CLK3: variants seen among roughly 807,000 people sequenced by gnomAD.
CLK3 encodes CDC like kinase 3.
In CLK3, 24 loss-of-function variants were observed where a neutral mutation model predicts 65.2. That is an observed-to-expected ratio of 0.37 (90% CI 0.27 to 0.52). The LOEUF (loss-of-function observed/expected upper bound fraction) is 0.52, where lower values mean the gene tolerates loss of function less well. Ranked by LOEUF, CLK3 falls within the 20% of genes least tolerant of loss-of-function variation. The pLI is 0.92. For synonymous variants in CLK3, 252 were observed against 240.8 expected (o/e 1.05, Z -0.43); for missense variants, 506 against 660.0 (o/e 0.77, Z 2.56).
chr15:74,622,471 G>C lies in CLK3; in HGVS notation c.467-23G>C, dbSNP rs2062111477. The C allele has an allele frequency of 6.3e-7, 1 of 1,587,508 alleles. No homozygotes were observed. The highest frequency in any genetic ancestry group is 1.4e-5 in the African/African-American group (1 of 73,708). ...AACCCCCTGCCCTCCAGATTCTCAT[G>C]CCCAATTTCTTTTCTCTCCTAGATG... On this transcript the variant is annotated intron_variant, in intron 4 of 12. Coordinates refer to ENST00000395066, the MANE Select transcript of CLK3 (RefSeq NM_001130028.2). The surrounding 1 kb of genome is among the most constrained non-coding windows in gnomAD (Gnocchi z 4.6).
At position 74,622,547 on chromosome 15, in the gene CLK3, T is replaced by C; in HGVS notation, c.520T>C (p.Leu174=). The change falls in exon 5 of 13, where the codon TTG becomes CTG. Residue 174 remains leucine (L), a synonymous_variant. Transcript: ENST00000395066. This position sits in a 1 kb window ranked among gnomAD's most constrained non-coding sequence, Gnocchi z 4.6. ...EGTFGKVVEC[L]DHARGKSQVA... is the part of the protein sequence containing the mutation. ...CACCTTTGGCAAGGTGGTGGAGTGC[T>C]TGGACCATGCCAGGTGAGCGAGCTG... is the stretch of plus-strand genomic sequence containing the variant. 6.2e-7 allele frequency: 1 copy of C among 1,612,782 alleles called. No homozygotes were observed. Among genetic ancestry groups the C allele is most frequent in the Non-Finnish European group, 8.5e-7 (1 of 1,179,312 alleles).
upstream of CLK3, among the ~76,000 whole-genome samples, chr15:74,614,482 A>AT (rs1166834842): frequency 6.6e-6 from 1 of 152,162 alleles, no homozygotes; most frequent in African/African-American, 2.4e-5. Flanking sequence ...AGTCCGGCTA[A>AT]TTTTTGTAAT....
intron 12 of CLK3, 134 bp from the exon 13 acceptor site, chr15:74,629,573 C>T (rs577649360): frequency 9.3e-6 from 6 of 642,932 alleles, no homozygotes; most frequent in East Asian, 2.7e-5. Context: ...TCCAGGAGGG[C>T]GGAAGTAGAG....
At chr15:74,615,764 C>T (rs1232891569), upstream of CLK3, 14 of 1,240,350 alleles carry the variant, frequency 1.1e-5, no homozygotes, top group Non-Finnish European at 1.2e-5. Flanking sequence ...GCCTCCGAGC[C>T]GGGTCGAGCC....
Position 74,621,773 on chromosome 15 carries a change from G to A in CLK3, c.370-347G>A, listed in dbSNP as rs1596288250. On this transcript the variant is annotated intron_variant, in intron 3 of 12. Transcript: ENST00000395066. This position sits in a 1 kb window ranked among gnomAD's most constrained non-coding sequence, Gnocchi z 4.8. ...AGGAGGAGGAGGAGGGAGTCGGGGC[G>A]ATGGCTCTCCTCACAGCGTGGCCCT... is the stretch of plus-strand genomic sequence containing the variant. The A allele has an allele frequency of 8.3e-6, 3 of 362,550 alleles. No homozygotes were observed. Among genetic ancestry groups the A allele is most frequent in the African/African-American group, 2.1e-5 (1 of 46,986 alleles). 22.5% of individuals were successfully genotyped at this position (362,550 alleles called of 1,614,324 possible).
Position 74,619,035 on chromosome 15 carries a change from G to T in CLK3, c.1-162G>T, listed in dbSNP as rs1393990654. The T allele has an allele frequency of 8.0e-6, 6 of 752,214 alleles. No homozygotes were observed. In the East Asian group the frequency reaches 1.3e-4, roughly 16 times the overall value. 46.6% of individuals were successfully genotyped at this position (752,214 alleles called of 1,614,324 possible). ...TTTCCTATTGTCTGCTGTTTGACCA[G>T]TGTGACCTCAGAGTTCTTCTTCACT... On this transcript the variant is annotated intron_variant, in intron 1 of 12. Coordinates refer to ENST00000395066, the MANE Select transcript of CLK3 (RefSeq NM_001130028.2).
At position 74,627,307 on chromosome 15, in the gene CLK3, C is replaced by G. The variant is rs2062151059; in HGVS notation, c.818-45C>G. 1 of 1,503,326 alleles carries G rather than the reference C, an allele frequency of 6.7e-7. No individual in the cohort carries two copies. Among genetic ancestry groups the G allele is most frequent in the African/African-American group, 1.4e-5 (1 of 72,538 alleles). 93.1% of individuals were successfully genotyped at this position (1,503,326 alleles called of 1,614,324 possible). On this transcript the variant is annotated intron_variant, in intron 7 of 12. Transcript: ENST00000395066. The surrounding 1 kb of genome is among the most constrained non-coding windows in gnomAD (Gnocchi z 4.3). ...GTCTGGCCTAGAGCTGGCAGGAGAG[C>G]CAGCTTCTCAGTGCCTACTTCCCCT... is the stretch of plus-strand genomic sequence containing the variant.
In CLK3 at chr15:74,627,949, T is replaced by C. The variant is rs1254168247; in HGVS notation, c.1043-21T>C. On this transcript the variant is annotated intron_variant, in intron 9 of 12. Coordinates refer to ENST00000395066, the MANE Select transcript of CLK3 (RefSeq NM_001130028.2). This position sits in a 1 kb window ranked among gnomAD's most constrained non-coding sequence, Gnocchi z 4.3. ...AAGCATAAGGCCGGATCTCACAGCC[T>C]CTCCCCATCTTGGCTTGCAGAGCTG... 6.3e-7 allele frequency: 1 copy of C among 1,582,648 alleles called. No individual in the cohort carries two copies. The highest frequency in any genetic ancestry group is 8.7e-7 in the Non-Finnish European group (1 of 1,151,284).
rs1475415465 is a variant in CLK3, at chr15:74,622,561, G to A, written c.533+1G>A. On this transcript the variant is annotated splice_donor_variant, in intron 5 of 12. Transcript: ENST00000395066. LOFTEE classifies it high-confidence loss of function. The surrounding 1 kb of genome is among the most constrained non-coding windows in gnomAD (Gnocchi z 4.6). The stretch of plus-strand genomic sequence containing the variant: ...TGGTGGAGTGCTTGGACCATGCCAG[G>A]TGAGCGAGCTGCGGCAGTACAGCTG... 6.2e-7 allele frequency: 1 copy of A among 1,610,248 alleles called. No individual in the cohort carries two copies. The highest frequency in any genetic ancestry group is 1.7e-5 in the Admixed American group (1 of 59,328).
chr15:74,615,573 C>G (rs1382198868), upstream of CLK3: 1 of 1,265,792 alleles, frequency 7.9e-7, no homozygotes. Flanking sequence ...AGAGCCCAGC[C>G]GGCCCGGGCC....
rs2062163466 is a variant in CLK3 at position 74,628,630 on chromosome 15, G to A, written c.1152G>A (p.Val384=). Residue 384 remains valine, a synonymous_variant, in exon 11 of 13, where the codon GTG becomes GTA. Transcript: ENST00000395066. The part of the protein sequence containing the change: ...FQTHENREHL[V]MMEKILGPIP... ...CCCACGAAAACCGAGAGCACCTGGTGATGATGGAGAAGATCCTAGGGCCCA... is the reference window on the plus strand; with the variant it reads ...CCCACGAAAACCGAGAGCACCTGGTAATGATGGAGAAGATCCTAGGGCCCA... The A allele has an allele frequency of 6.2e-7, 1 of 1,613,748 alleles. No individual in the cohort carries two copies.
At position 74,621,656 on chromosome 15, in the gene CLK3, C is replaced by T. The variant is rs1025749680; in HGVS notation, c.370-464C>T. 1.6e-5 allele frequency: 5 copies of T among 311,684 alleles called. No individual in the cohort carries two copies. Among genetic ancestry groups the T allele is most frequent in the Admixed American group, 8.4e-5 (2 of 23,744 alleles). 19.3% of individuals were successfully genotyped at this position (311,684 alleles called of 1,614,324 possible). A position where few individuals can be genotyped will look rare whatever the true frequency, so the allele number is the denominator to read the frequency against. Reference sequence around the variant, plus strand: ...ACCAGTCTGGATGGTTGGACCCAGGCGGGGCCAGCTGCCTTCTTGCGCCGC... The same window carrying T: ...ACCAGTCTGGATGGTTGGACCCAGGTGGGGCCAGCTGCCTTCTTGCGCCGC... On this transcript the variant is annotated intron_variant, in intron 3 of 12. Transcript: ENST00000395066. The surrounding 1 kb of genome is among the most constrained non-coding windows in gnomAD (Gnocchi z 4.8).
In CLK3 at chr15:74,622,383, C is replaced by T. The variant is rs1274543234; in HGVS notation, c.467-111C>T. ...GCAACTTCCATTTTTAAGAGTGTAG[C>T]AGTGAGAGAGAAACCTTTTTTGTTT... On this transcript the variant is annotated intron_variant, in intron 4 of 12. Coordinates refer to ENST00000395066, the MANE Select transcript of CLK3 (RefSeq NM_001130028.2). The surrounding 1 kb of genome is among the most constrained non-coding windows in gnomAD (Gnocchi z 4.6). 1 of 1,049,816 alleles carries T rather than the reference C, an allele frequency of 9.5e-7. No homozygotes were observed. The highest frequency in any genetic ancestry group is 1.4e-6 in the Non-Finnish European group (1 of 699,750). 65.0% of individuals were successfully genotyped at this position (1,049,816 alleles called of 1,614,324 possible). A position where few individuals can be genotyped will look rare whatever the true frequency, so the allele number is the denominator to read the frequency against.
chr15:74,628,498 T>C (rs534280867), intron 10 of CLK3, 106 bp from the exon 11 acceptor site: 3 of 745,740 alleles, frequency 4.0e-6, no homozygotes, highest in East Asian at 2.6e-5. Context: ...TAGGTTTGCA[T>C]GTCCTGGGGC....
chr15:74,624,621 ACTCTCCCACACTCC>A lies in CLK3; in HGVS notation c.534-280_534-267del. On this transcript the variant is annotated intron_variant, in intron 5 of 12. Coordinates refer to ENST00000395066, the MANE Select transcript of CLK3 (RefSeq NM_001130028.2). The surrounding 1 kb of genome is among the most constrained non-coding windows in gnomAD (Gnocchi z 4.2). ...CACTGGTTAAGCAGGATTGGCCTCT[ACTCTCCCACACTCC>A]TTTGGGAGCTGGCAGTGGCTGAGAA... 1 of 488,386 alleles carries A rather than the reference ACTCTCCCACACTCC, an allele frequency of 2.0e-6. No individual in the cohort carries two copies. The allele number at this position is 488,386 out of a possible 1,614,324, so 30.3% of individuals were successfully genotyped here.
chr15:74,616,309 T>C (rs2062059549), intron 1 of CLK3, among the ~76,000 whole-genome samples: 1 of 152,214 alleles, frequency 6.6e-6, no homozygotes, highest in South Asian at 2.1e-4. Flanking sequence ...CCAGTCCGGC[T>C]TTCCCTCTGT....
In CLK3 at chr15:74,630,112, T is replaced by G. The variant is rs1460765434; in HGVS notation, c.*229T>G. 2.0e-6 allele frequency: 1 copy of G among 499,726 alleles called. No individual in the cohort carries two copies. Among genetic ancestry groups the G allele is most frequent in the Non-Finnish European group, 3.6e-6 (1 of 280,134 alleles). The allele number at this position is 499,726 out of a possible 1,614,324, so 31.0% of individuals were successfully genotyped here. Reference sequence around the variant, plus strand: ...AGTTATAATAAAGTGTTTCTTACTGTTTGTAACCCCTGGTACCAGTGTGTC... The same window carrying G: ...AGTTATAATAAAGTGTTTCTTACTGGTTGTAACCCCTGGTACCAGTGTGTC... On this transcript the variant is annotated 3_prime_UTR_variant, in exon 13 of 13. Coordinates refer to ENST00000395066, the MANE Select transcript of CLK3 (RefSeq NM_001130028.2).
chr15:74,628,717 T>C, intron 11 of CLK3, 34 bp downstream of exon 11: 1 of 1,550,426 alleles, frequency 6.4e-7, no homozygotes, highest in Non-Finnish European at 8.8e-7. Context: ...AGGGTTGGTA[T>C]AGAGGCCTTT....
At chr15:74,614,465 G>C (rs766993673), upstream of CLK3, among the ~76,000 whole-genome samples, 4 of 152,182 alleles carry the variant, frequency 2.6e-5, no homozygotes, top group Non-Finnish European at 5.9e-5. Flanking sequence ...ACAGGCATGC[G>C]CCACCCAGTC....
Sources: gnomAD v4.1 joint callset for allele counts (sites outside exome capture counted in the v4.1 genomes callset) on GRCh38, gnomAD v4.1.1 for gene constraint, Gnocchi (gnomAD v3.1) non-coding constraint, MANE v1.5 for transcripts, NCBI Gene and HGNC (gene_info 2026-07-23, HGNC 2026-07-21) for gene names.